The following INTS7 variants were observed in gnomAD, a reference collection of about 807,000 sequenced individuals.
INTS7 encodes the protein chromosome 1 open reading frame 73.
In INTS7, 46 loss-of-function variants were observed where a neutral mutation model predicts 109.2. That is an observed-to-expected ratio of 0.42 (90% confidence interval 0.33 to 0.54). INTS7 has a LOEUF of 0.54. INTS7 is among the 20% of genes least tolerant of loss of function. INTS7 has a pLI of 0.07. For synonymous variants in INTS7, 412 were observed against 402.9 expected (o/e 1.02, Z -0.27); for missense variants, 929 against 1,132.4 (o/e 0.82, Z 2.58).
At chr1:212,033,454 C>A (rs1667260842) in intron 1 of INTS7, among the ~76,000 whole-genome samples, 3 of 152,132 alleles carry the variant, frequency 2.0e-5, no homozygotes, top group Admixed American at 2.0e-4. Context: ...TGCAAATGAT[C>A]ACTTACTCTG....
chr1:212,008,601 C>T (rs753639234), intron 5 of INTS7, among the ~76,000 whole-genome samples: 4 of 152,116 alleles, frequency 2.6e-5, no homozygotes, highest in African/African-American at 4.8e-5. Flanking sequence ...CCTGCCCCGA[C>T]GTCAGACGCA....
intron 16 of INTS7, among the ~76,000 whole-genome samples, chr1:211,955,898 T>G (rs767858585): frequency 6.6e-6 from 1 of 152,236 alleles, no homozygotes; most frequent in Non-Finnish European, 1.5e-5. Flanking sequence ...TTAAGTTCTA[T>G]TAAGACAAGA....
intron 19 of INTS7, among the ~76,000 whole-genome samples, chr1:211,943,981 G>A (rs1406356224): frequency 2.0e-5 from 3 of 152,218 alleles, no homozygotes; most frequent in Non-Finnish European, 2.9e-5. Flanking sequence ...CATGGGCACA[G>A]ATTCAGCATC....
At chr1:211,957,669 A>AT (rs1663431903) in intron 16 of INTS7, among the ~76,000 whole-genome samples, 1 of 152,150 alleles carries the variant, frequency 6.6e-6, no homozygotes, top group African/African-American at 2.4e-5. Flanking sequence ...AACCTTTTTC[A>AT]TTTTTTAAAT....
rs372121038 is a variant in INTS7, at chr1:211,997,976, TC to T, written c.879+8662del. Among the ~76,000 whole-genome samples the T allele has an allele frequency of 1.3e-3, 199 of 152,260 alleles. 1 individual carries two copies. Among genetic ancestry groups the T allele is most frequent in the African/African-American group, 4.5e-3 (186 of 41,548 alleles). ...ACAAAAATCCCAGCAGCCTTTTTTTTCATAGAAATTTACAAACTGATTCTAA... is the reference window on the plus strand; with the variant it reads ...ACAAAAATCCCAGCAGCCTTTTTTTTATAGAAATTTACAAACTGATTCTAA... On this transcript the variant is annotated intron_variant, in intron 7 of 19. Coordinates refer to ENST00000366994, the MANE Select transcript of INTS7 (RefSeq NM_015434.4).
chr1:211,973,348 A>AT (rs1664263993), intron 13 of INTS7, among the ~76,000 whole-genome samples: 1 of 152,268 alleles, frequency 6.6e-6, no homozygotes, highest in African/African-American at 2.4e-5. Context: ...CAGAAAGCTA[A>AT]TATAAACACT....
rs1384086802 is a variant in INTS7, at chr1:211,981,190, T to G, written c.1133A>C (p.Asp378Ala). 6.2e-7 allele frequency: 1 copy of G among 1,604,738 alleles called. No individual in the cohort carries two copies. The highest frequency in any genetic ancestry group is 1.7e-4 in the Middle Eastern group (1 of 6,056). ...AGCATCTTGTTCCAGTGCCAAAAGA[T>G]CTAGAAGAAAAACAGTAAACTTTAT... ...TNITVSCQEK[D>A]LLALEQDAVF... Residue 378 changes from aspartate (D) to alanine (A), a missense_variant and splice_region_variant, in exon 10 of 20, where the codon GAT becomes GCT. Transcript: ENST00000366994.
intron 7 of INTS7, among the ~76,000 whole-genome samples, chr1:212,000,597 ACAC>A (rs1203545713): frequency 6.6e-6 from 1 of 152,230 alleles, no homozygotes; most frequent in Non-Finnish European, 1.5e-5. Flanking sequence ...TATGTGCCAG[ACAC>A]CACATTATAT....
At chr1:212,026,105 C>T (rs536893256) in intron 1 of INTS7, among the ~76,000 whole-genome samples, 3 of 152,122 alleles carry the variant, frequency 2.0e-5, no homozygotes, top group Admixed American at 6.5e-5. Flanking sequence ...GCCAATATCA[C>T]GCCACTGCAC....
intron 13 of INTS7, among the ~76,000 whole-genome samples, chr1:211,973,662 A>C (rs1664276369): frequency 6.6e-6 from 1 of 152,226 alleles, no homozygotes; most frequent in Non-Finnish European, 1.5e-5. Flanking sequence ...AAATAAAAAA[A>C]GTCCTCAAAA....
At chr1:212,020,322 AAC>A in intron 2 of INTS7, 54 bp from the exon 3 acceptor site, 1 of 1,035,044 alleles carries the variant, frequency 9.7e-7, no homozygotes, top group Non-Finnish European at 1.4e-6. Context: ...TTTAATTAGG[AAC>A]CAAAGCAACA....
intron 7 of INTS7, among the ~76,000 whole-genome samples, chr1:211,996,938 C>T (rs114565058): frequency 0.027 from 4,166 of 152,098 alleles, 82 homozygotes; most frequent in Non-Finnish European, 0.04. Context: ...GTGTGAGGAT[C>T]GCTTAAGCCT....
chr1:211,975,489 C>A (rs549198803), intron 12 of INTS7, 117 bp from the exon 13 acceptor site: 3 of 697,472 alleles, frequency 4.3e-6, no homozygotes, highest in South Asian at 1.8e-5. Flanking sequence ...TAAGTCTGAA[C>A]AATCATTCCT....
chr1:211,957,896 T>C lies in INTS7; in HGVS notation c.2184-5195A>G, dbSNP rs1351459037. Among the ~76,000 whole-genome samples, 6 of 152,108 alleles carry C rather than the reference T, an allele frequency of 3.9e-5. No individual in the cohort carries two copies. The East Asian group carries it at 1.2e-3, about 29-fold the overall frequency. On this transcript the variant is annotated intron_variant, in intron 16 of 19. Coordinates refer to ENST00000366994, the MANE Select transcript of INTS7 (RefSeq NM_015434.4). The stretch of plus-strand genomic sequence containing the variant: ...TTATTTCTTGGTGGCTGCTCTAGAG[T>C]TTAAAATATTCACCCTCAGTTTATC...
rs2102420966 is a variant in INTS7, at chr1:211,976,715, C to T, written c.1475G>A (p.Ser492Asn). The T allele has an allele frequency of 6.2e-7, 1 of 1,613,976 alleles. No individual in the cohort carries two copies. Among genetic ancestry groups the T allele is most frequent in the South Asian group, 1.1e-5 (1 of 91,074 alleles). Residue 492 changes from serine (S) to asparagine (N), a missense_variant, in exon 12 of 20, where the codon AGT (serine) becomes AAT (asparagine). By Grantham distance (46) the Ser-to-Asn change is conservative. Around this residue, in one of 2 missense-constraint regions of INTS7, gnomAD observed 787 missense variants for 901.1 expected, o/e 0.87. Coordinates refer to ENST00000366994, the MANE Select transcript of INTS7 (RefSeq NM_015434.4). ...ATDKQQELLVSLATVIFVASQ... is the reference protein window; with the variant it reads ...ATDKQQELLVNLATVIFVASQ... ...TGCAACAAAAATCACAGTAGCCAAA[C>T]TCACCTAACATTGGGCAAGAAGAAA...
intron 1 of INTS7, 91 bp downstream of exon 1, chr1:212,035,253 G>C: frequency 1.2e-6 from 1 of 856,448 alleles, no homozygotes; most frequent in Non-Finnish European, 2.0e-6. Flanking sequence ...ATGCGCATGC[G>C]CCTATCCGTC....
Position 212,033,455 on chromosome 1 carries a change from ACTTACTC to A in INTS7, c.94+1882_94+1888del, listed in dbSNP as rs1253039346. On this transcript the variant is annotated intron_variant, in intron 1 of 19. Transcript: ENST00000366994. ...ATTGCTGGGAGGAGTGCAAATGATCACTTACTCTGTGTCTAAGATTGACACCTGATTT... is the reference window on the plus strand; with the variant it reads ...ATTGCTGGGAGGAGTGCAAATGATCATGTGTCTAAGATTGACACCTGATTT... Among the ~76,000 whole-genome samples, 568 of 152,296 alleles carry A rather than the reference ACTTACTC, an allele frequency of 3.7e-3. 5 individuals are homozygous for A. The highest frequency in any genetic ancestry group is 0.013 in the African/African-American group (532 of 41,556).
At chr1:211,950,432 T>C (rs1663035375) in intron 17 of INTS7, among the ~76,000 whole-genome samples, 1 of 152,152 alleles carries the variant, frequency 6.6e-6, no homozygotes. Flanking sequence ...ACATCATGCC[T>C]GGCTAATTTT....
At position 211,952,588 on chromosome 1, in the gene INTS7, T is replaced by C. The variant is rs556473922; in HGVS notation, c.2297A>G (p.Tyr766Cys). 6.2e-7 allele frequency: 1 copy of C among 1,612,892 alleles called. No homozygotes were observed. The highest frequency in any genetic ancestry group is 1.3e-5 in the African/African-American group (1 of 75,014). The change falls in exon 17 of 20, where the codon TAT (tyrosine) becomes TGT (cysteine). Residue 766 changes from tyrosine (Y) to cysteine (C), a missense_variant. Coordinates refer to ENST00000366994, the MANE Select transcript of INTS7 (RefSeq NM_015434.4). ...ACTTGCCATATAAGAAACAGGGGTA[T>C]ATTTCCGATTGAGTGATTCTACCTC... ...LEEVESLNRK[Y>C]TPVSYMHTAC...
Sources: allele counts gnomAD v4.1 joint callset (sites outside exome capture counted in the v4.1 genomes callset), GRCh38; gene constraint gnomAD v4.1.1; regional missense constraint gnomAD v4.1.1; transcripts MANE v1.5; gene names NCBI Gene and HGNC (gene_info 2026-07-23, HGNC 2026-07-21).